SSC5D: variants seen among roughly 807,000 people sequenced by gnomAD.
SSC5D encodes scavenger receptor cysteine rich family member with 5 domains.
SSC5D carries 106 observed loss-of-function variants against 104.6 expected under a neutral mutation model. The observed-to-expected ratio is 1.01, with a 90% confidence interval of 0.87 to 1.19. The LOEUF (loss-of-function observed/expected upper bound fraction) is 1.19, where lower values mean the gene tolerates loss of function less well. Ranked by LOEUF, SSC5D falls within the 50% of genes most tolerant of loss-of-function variation. SSC5D has a pLI of 0.00. For missense variants in SSC5D, 1,993 were observed against 2,153.8 expected, an observed-to-expected ratio of 0.93 and a Z score of 1.48; for synonymous variants, 860 against 883.5, an observed-to-expected ratio of 0.97 and a Z score of 0.47.
In SSC5D at chr19:55,490,307, C is replaced by G. The variant is rs1341158805; in HGVS notation, c.485C>G (p.Pro162Arg). The change falls in exon 5 of 14, where the codon CCA becomes CGA. Residue 162 changes from proline (P) to arginine (R), a missense_variant. Coordinates refer to ENST00000389623, the MANE Select transcript of SSC5D (RefSeq NM_001144950.2). Reference protein sequence around the residue: ...EEPLVTHAPRPAGNPQNASRK... With the variant: ...EEPLVTHAPRRAGNPQNASRK... The stretch of plus-strand genomic sequence containing the variant: ...CTGTCTCCACTCCCAGCCCCCCGCC[C>G]AGCTGGGAACCCCCAGAACGCCTCC... 8.2e-7 allele frequency: 1 copy of G among 1,224,870 alleles called. No homozygotes were observed. Among genetic ancestry groups the G allele is most frequent in the Non-Finnish European group, 1.2e-6 (1 of 856,686 alleles). The allele number at this position is 1,224,870 out of a possible 1,614,324, so 75.9% of individuals were successfully genotyped here.
At chr19:55,505,049 C>T (rs1987609173) in intron 12 of SSC5D, among the ~76,000 whole-genome samples, 1 of 151,500 alleles carries the variant, frequency 6.6e-6, no homozygotes, top group Non-Finnish European at 1.5e-5. Context: ...AAAATAGAAG[C>T]ACGAGTCTGG....
At chr19:55,494,102 C>T (rs1324655371) in intron 7 of SSC5D, among the ~76,000 whole-genome samples, 190 bp downstream of exon 7, 1 of 152,138 alleles carries the variant, frequency 6.6e-6, no homozygotes, top group Non-Finnish European at 1.5e-5. Context: ...GTGGCTTTGC[C>T]CCCAAGGGGA....
chr19:55,517,195 C>G (rs117503296), intron 13 of SSC5D, 29 bp from the exon 14 acceptor site: 24,635 of 1,521,640 alleles, frequency 0.016, 215 homozygotes, highest in Non-Finnish European at 0.018. Context: ...TGACCTCAGA[C>G]CGTCCGTCTG....
chr19:55,495,489 T>G (rs1448516387), intron 8 of SSC5D, among the ~76,000 whole-genome samples: 2 of 151,216 alleles, frequency 1.3e-5, no homozygotes, highest in African/African-American at 4.9e-5. Flanking sequence ...TGCCTCGGCC[T>G]CCCAAAGTGC....
intron 2 of SSC5D, 154 bp from the exon 3 acceptor site, chr19:55,489,200 C>G: frequency 9.6e-7 from 1 of 1,038,072 alleles, no homozygotes; most frequent in South Asian, 1.9e-5. Flanking sequence ...CCGCATCTCT[C>G]TGAGCACCCA....
chr19:55,514,901 A>G (rs1987836757), intron 13 of SSC5D, among the ~76,000 whole-genome samples: 1 of 152,200 alleles, frequency 6.6e-6, no homozygotes, highest in African/African-American at 2.4e-5. Flanking sequence ...TCAAGCAGTG[A>G]AGTAACTTGG....
Position 55,493,626 on chromosome 19 carries a change from C to G in SSC5D, c.927C>G (p.Gly309=), listed in dbSNP as rs1374683004. ...GPAPRLRLAD[G]PHGCAGRLEV... ...CACCTCGGCTGCGCCTGGCCGATGG[C>G]CCCCACGGGTGCGCCGGCCGCCTGG... Residue 309 remains glycine (G), a synonymous_variant, in exon 7 of 14, where the codon GGC becomes GGG. Coordinates refer to ENST00000389623, the MANE Select transcript of SSC5D (RefSeq NM_001144950.2). The G allele has an allele frequency of 2.0e-6, 3 of 1,483,896 alleles. No individual in the cohort carries two copies. The Admixed American group carries it at 7.2e-5, about 36-fold the overall frequency. The allele number at this position is 1,483,896 out of a possible 1,614,324, so 91.9% of individuals were successfully genotyped here.
intron 7 of SSC5D, among the ~76,000 whole-genome samples, chr19:55,494,325 C>A (rs1479744941): frequency 6.6e-6 from 1 of 152,176 alleles, no homozygotes; most frequent in South Asian, 2.1e-4. Flanking sequence ...TCCTGGCCCC[C>A]GGCGGAAGCC....
intron 12 of SSC5D, among the ~76,000 whole-genome samples, 191 bp downstream of exon 12, chr19:55,501,392 C>T (rs1987500123): frequency 6.6e-6 from 1 of 152,160 alleles, no homozygotes. Context: ...TCTTCAGAGC[C>T]AAGGACACCA....
chr19:55,488,492 C>T lies in SSC5D; in HGVS notation c.-98C>T, dbSNP rs1306186014. ...CCTCCTCGGGCCTGGGCGCCTCCAG[C>T]AGGCACTTCCCTCCCTCCCTCTCTC... On this transcript the variant is annotated 5_prime_UTR_variant, in exon 1 of 14. Transcript: ENST00000389623. 1.6e-5 allele frequency: 19 copies of T among 1,160,822 alleles called. No homozygotes were observed. The highest frequency in any genetic ancestry group is 2.4e-5 in the Non-Finnish European group (19 of 800,080). 71.9% of individuals were successfully genotyped at this position (1,160,822 alleles called of 1,614,324 possible). A position where few individuals can be genotyped will look rare whatever the true frequency, so the allele number is the denominator to read the frequency against.
rs925294172 is a variant in SSC5D, at chr19:55,503,428, T to G, written c.2785+2227T>G. Among the ~76,000 whole-genome samples the G allele has an allele frequency of 5.3e-5, 8 of 152,120 alleles. No individual in the cohort carries two copies. The highest frequency in any genetic ancestry group is 1.9e-4 in the African/African-American group (8 of 41,434). ...TTTCCTTTGTCTCTTACGGTTGTTTTCTGAGTCTCCATCTCCCGCGCCTTC... is the reference window on the plus strand; with the variant it reads ...TTTCCTTTGTCTCTTACGGTTGTTTGCTGAGTCTCCATCTCCCGCGCCTTC... On this transcript the variant is annotated intron_variant, in intron 12 of 13. Transcript: ENST00000389623. The surrounding 1 kb of genome is among the most constrained non-coding windows in gnomAD (Gnocchi z 4.0).
intron 9 of SSC5D, 100 bp downstream of exon 9, chr19:55,498,297 C>T (rs925308228): frequency 2.3e-6 from 3 of 1,279,074 alleles, no homozygotes; most frequent in Non-Finnish European, 1.1e-6. Flanking sequence ...TCCTAAGCCC[C>T]AGCCCTGTGC....
In SSC5D at chr19:55,497,987, C is replaced by A. The variant is rs759475397; in HGVS notation, c.1495C>A (p.Arg499=). 8 of 1,551,792 alleles carry A rather than the reference C, an allele frequency of 5.2e-6. No homozygotes were observed. The highest frequency in any genetic ancestry group is 7.0e-6 in the Non-Finnish European group (8 of 1,147,020). Residue 499 remains arginine (R), a synonymous_variant, in exon 9 of 14, where the codon CGG becomes AGG. Coordinates refer to ENST00000389623, the MANE Select transcript of SSC5D (RefSeq NM_001144950.2). The part of the protein sequence containing the change: ...GTVCDDSWDM[R]DSAVVCRELG... ...CGTGTGTGACGATAGCTGGGACATG[C>A]GGGATTCAGCTGTGGTCTGCCGGGA...
chr19:55,496,141 A>G (rs1599917594), intron 8 of SSC5D, among the ~76,000 whole-genome samples: 1 of 151,868 alleles, frequency 6.6e-6, no homozygotes, highest in Non-Finnish European at 1.5e-5. Flanking sequence ...GCCGGTGGGG[A>G]GGGTGGCGAC....
chr19:55,498,254 A>G, intron 9 of SSC5D, 57 bp downstream of exon 9: 10 of 1,521,906 alleles, frequency 6.6e-6, no homozygotes, highest in Non-Finnish European at 8.9e-6. Flanking sequence ...GGGGAACAGT[A>G]ACTAACATGG....
rs377644583 is a variant in SSC5D at position 55,488,545 on chromosome 19, C to A, written c.-45C>A. 3.2e-6 allele frequency: 5 copies of A among 1,540,976 alleles called. No individual in the cohort carries two copies. Among genetic ancestry groups the A allele is most frequent in the Non-Finnish European group, 3.5e-6 (4 of 1,138,066 alleles). On this transcript the variant is annotated 5_prime_UTR_variant, in exon 1 of 14. Transcript: ENST00000389623. ...CAGCTGCCTCCTCCTCTTCTCTCCC[C>A]GCTCTCCTTCCCCTTTCACCCCATC... is the stretch of plus-strand genomic sequence containing the variant.
At chr19:55,501,244 C>G in intron 12 of SSC5D, 43 bp downstream of exon 12, 2 of 1,467,160 alleles carry the variant, frequency 1.4e-6, no homozygotes, top group Non-Finnish European at 1.8e-6. Flanking sequence ...CCTCCATAAA[C>G]CTCCATTCGC....
At chr19:55,497,129 C>T (rs1987345834) in intron 8 of SSC5D, among the ~76,000 whole-genome samples, 1 of 152,232 alleles carries the variant, frequency 6.6e-6, no homozygotes, top group Non-Finnish European at 1.5e-5. Context: ...CAGAATTTTT[C>T]TCACCTTCTC....
Position 55,501,136 on chromosome 19 carries a change from T to G in SSC5D, c.2720T>G (p.Leu907Arg). ...ACAGCGGGGGTACCTGGACACACTC[T>G]CCCCTGGAGGACCACCCGGCGCCCG... ...TTTAGVPGHT[L>R]PWRTTRRPGS... The change falls in exon 12 of 14, where the codon CTC becomes CGC. Residue 907 changes from leucine (L) to arginine (R), a missense_variant. Leu to Arg is a moderately radical substitution (Grantham distance 102). Coordinates refer to ENST00000389623, the MANE Select transcript of SSC5D (RefSeq NM_001144950.2). The G allele has an allele frequency of 1.3e-6, 2 of 1,550,618 alleles. No homozygotes were observed. Among genetic ancestry groups the G allele is most frequent in the South Asian group, 2.4e-5 (2 of 83,954 alleles).
Sources: gnomAD v4.1 joint callset for allele counts (sites outside exome capture counted in the v4.1 genomes callset) on GRCh38, gnomAD v4.1.1 for gene constraint, Gnocchi (gnomAD v3.1) non-coding constraint, MANE v1.5 for transcripts, NCBI Gene and HGNC (gene_info 2026-07-23, HGNC 2026-07-21) for gene names.